Variants in PTPRQ observed in about 807,000 individuals in gnomAD.
PTPRQ encodes the protein phosphatidylinositol phosphatase PTPRQ.
A neutral mutation model predicts 246.0 loss-of-function variants in PTPRQ; 199 were observed. The ratio of observed to expected loss-of-function variants is 0.81; its 90% confidence interval spans 0.72 to 0.91. PTPRQ has a LOEUF of 0.91. PTPRQ is among the 40% of genes least tolerant of loss of function. The pLI, the probability that PTPRQ is intolerant of heterozygous loss-of-function variation, is 0.00. For synonymous variants in PTPRQ, 869 were observed against 853.2 expected (o/e 1.02, Z -0.32); for missense variants, 2,624 against 2,528.4 (o/e 1.04, Z -0.81).
chr12:80,648,310 T>C (rs534154151), intron 35 of PTPRQ, among the ~76,000 whole-genome samples: 3 of 152,238 alleles, frequency 2.0e-5, no homozygotes, highest in Admixed American at 1.3e-4. Flanking sequence ...TTTGTGTATG[T>C]TGTGTAGCCT....
intron 25 of PTPRQ, among the ~76,000 whole-genome samples, chr12:80,557,567 G>A (rs752599505): frequency 6.6e-6 from 1 of 151,952 alleles, no homozygotes; most frequent in Non-Finnish European, 1.5e-5. Context: ...GTAGAAACTT[G>A]CAGTCACAAA....
chr12:80,605,047 C>G lies in PTPRQ; in HGVS notation c.4610-12C>G, dbSNP rs547863504. On this transcript the variant is annotated splice_polypyrimidine_tract_variant and intron_variant, in intron 26 of 44. Transcript: ENST00000644991. Reference sequence around the variant, plus strand: ...CTAATGTAGCTAGATAATTAATTTTCTATTGTCATAGCTCCAGATGGTCCT... The same window carrying G: ...CTAATGTAGCTAGATAATTAATTTTGTATTGTCATAGCTCCAGATGGTCCT... 6.5e-7 allele frequency: 1 copy of G among 1,530,496 alleles called. No individual in the cohort carries two copies. The highest frequency in any genetic ancestry group is 1.4e-5 in the African/African-American group (1 of 72,130). 94.8% of individuals were successfully genotyped at this position (1,530,496 alleles called of 1,614,324 possible).
chr12:80,616,298 C>T (rs1233565652), intron 30 of PTPRQ, 32 bp downstream of exon 30: 1 of 1,439,792 alleles, frequency 6.9e-7, no homozygotes, highest in Non-Finnish European at 9.1e-7. Context: ...CTATGAAATG[C>T]TATTAATCAG....
At chr12:80,569,152 T>G (rs1897067578) in intron 25 of PTPRQ, among the ~76,000 whole-genome samples, 1 of 149,806 alleles carries the variant, frequency 6.7e-6, no homozygotes, top group Non-Finnish European at 1.5e-5. Context: ...TTTTTTTTAC[T>G]TTTTAAAAAA....
chr12:80,481,486 A>G (rs1440406240), intron 8 of PTPRQ, among the ~76,000 whole-genome samples: 2 of 152,130 alleles, frequency 1.3e-5, no homozygotes, highest in Non-Finnish European at 1.5e-5. Flanking sequence ...GCCCCCTCTC[A>G]CCACTCCTAT....
intron 8 of PTPRQ, among the ~76,000 whole-genome samples, chr12:80,480,984 A>G (rs1592562226): frequency 6.6e-6 from 1 of 152,134 alleles, no homozygotes; most frequent in Non-Finnish European, 1.5e-5. Flanking sequence ...AAACTATTCC[A>G]ATCAATAGAA....
At chr12:80,628,119 T>A (rs2121156388) in intron 33 of PTPRQ, among the ~76,000 whole-genome samples, 1 of 152,240 alleles carries the variant, frequency 6.6e-6, no homozygotes, top group African/African-American at 2.4e-5. Flanking sequence ...TCTTTATTCA[T>A]CTTCATGCCT....
intron 38 of PTPRQ, among the ~76,000 whole-genome samples, chr12:80,654,341 G>A (rs1208011210): frequency 2.6e-5 from 4 of 152,084 alleles, no homozygotes; most frequent in Admixed American, 6.6e-5. Flanking sequence ...ATTTTTCAAC[G>A]CATCCTTTTA....
At chr12:80,561,948 T>G (rs977247177) in intron 25 of PTPRQ, among the ~76,000 whole-genome samples, 2 of 152,198 alleles carry the variant, frequency 1.3e-5, no homozygotes, top group African/African-American at 4.8e-5. Flanking sequence ...AAATTACCCT[T>G]TACTTGTATT....
intron 3 of PTPRQ, among the ~76,000 whole-genome samples, chr12:80,450,356 GA>G (rs1313519178): frequency 1.3e-5 from 2 of 152,094 alleles, no homozygotes; most frequent in African/African-American, 4.8e-5. Flanking sequence ...TTTCCTAATT[GA>G]ATACCCTTTA....
At chr12:80,645,345 T>C (rs1900034540) in intron 35 of PTPRQ, among the ~76,000 whole-genome samples, 1 of 152,098 alleles carries the variant, frequency 6.6e-6, no homozygotes, top group Non-Finnish European at 1.5e-5. Flanking sequence ...ATTTAAAGCT[T>C]TGAGTTAGGA....
intron 17 of PTPRQ, among the ~76,000 whole-genome samples, chr12:80,513,304 C>T (rs1476757797): frequency 2.0e-5 from 3 of 152,110 alleles, no homozygotes; most frequent in Non-Finnish European, 4.4e-5. Context: ...GGAGTCGGGC[C>T]ACTCAGCAGC....
At chr12:80,483,498 C>A (rs1894152698) in intron 8 of PTPRQ, among the ~76,000 whole-genome samples, 1 of 150,740 alleles carries the variant, frequency 6.6e-6, no homozygotes, top group African/African-American at 2.5e-5. Context: ...GCACAATGTG[C>A]ACATGTACCC....
At chr12:80,631,440 C>T (rs2121166892) in intron 33 of PTPRQ, among the ~76,000 whole-genome samples, 1 of 152,072 alleles carries the variant, frequency 6.6e-6, no homozygotes, top group South Asian at 2.1e-4. Flanking sequence ...TGATCAATTT[C>T]CATTTTTATT....
At chr12:80,618,398 A>ACG (rs1898848839) in intron 30 of PTPRQ, among the ~76,000 whole-genome samples, 1 of 150,736 alleles carries the variant, frequency 6.6e-6, no homozygotes, top group African/African-American at 2.4e-5. Context: ...ACACACACAC[A>ACG]CACACAGTGA....
In PTPRQ at chr12:80,542,326, G is replaced by A; in HGVS notation, c.3683G>A (p.Gly1228Asp). The stretch of plus-strand genomic sequence containing the variant: ...GCCGCAAGAACTAGAAAAGGACTTG[G>A]TCCTTCCAGTATTCTTTTCTTTTAC... ...FAAARTRKGL[G>D]PSSILFFYTD... The change falls in exon 22 of 45, where the codon GGT (glycine) becomes GAT (aspartate). Residue 1228 changes from glycine to aspartate, a missense_variant. Coordinates refer to ENST00000644991, the MANE Select transcript of PTPRQ (RefSeq NM_001145026.2). The A allele has an allele frequency of 6.5e-6, 10 of 1,547,350 alleles. No individual in the cohort carries two copies. Among genetic ancestry groups the A allele is most frequent in the Non-Finnish European group, 8.7e-6 (10 of 1,145,876 alleles).
At chr12:80,484,905 C>A (rs931051467) in intron 9 of PTPRQ, among the ~76,000 whole-genome samples, 2 of 152,050 alleles carry the variant, frequency 1.3e-5, no homozygotes, top group Non-Finnish European at 2.9e-5. Flanking sequence ...ATGAATTGTT[C>A]GGAAACTCTT....
intron 9 of PTPRQ, among the ~76,000 whole-genome samples, chr12:80,485,810 T>G (rs190097759): frequency 5.9e-5 from 9 of 152,120 alleles, no homozygotes; most frequent in Non-Finnish European, 1.2e-4. Flanking sequence ...GTTTCCCACT[T>G]CTGCTAATGA....
At chr12:80,562,676 G>T (rs1896861965) in intron 25 of PTPRQ, among the ~76,000 whole-genome samples, 1 of 151,962 alleles carries the variant, frequency 6.6e-6, no homozygotes, top group Non-Finnish European at 1.5e-5. Flanking sequence ...TTTAAAAAGA[G>T]AAAATAGACC....
Sources: allele counts gnomAD v4.1 joint callset (sites outside exome capture counted in the v4.1 genomes callset), GRCh38; gene constraint gnomAD v4.1.1; transcripts MANE v1.5; gene names NCBI Gene and HGNC (gene_info 2026-07-23, HGNC 2026-07-21).